Variants in FRMD4A observed in about 807,000 individuals in gnomAD.
FRMD4A encodes FERM domain-containing protein 4A.
Under a neutral mutation model 129.1 loss-of-function variants are expected in FRMD4A, and 29 were observed. The ratio of observed to expected loss-of-function variants is 0.22; its 90% CI spans 0.17 to 0.31. The LOEUF (loss-of-function observed/expected upper bound fraction) is 0.31. Among genes scored for constraint, FRMD4A ranks in the 10% least tolerant of loss-of-function variants. The pLI is 1.00. For synonymous variants in FRMD4A, 634 were observed against 571.6 expected, an observed-to-expected ratio of 1.11 and a Z score of -1.56; for missense variants, 1,272 against 1,375.8, an observed-to-expected ratio of 0.92 and a Z score of 1.19.
At chr10:14,289,797 A>G (rs1437365510) in intron 2 of FRMD4A, among the ~76,000 whole-genome samples, 1 of 152,084 alleles carries the variant, frequency 6.6e-6, no homozygotes, top group African/African-American at 2.4e-5. Context: ...TGTCCACATC[A>G]GAGAGGAAGT....
In FRMD4A at chr10:13,666,216, T is replaced by C; in HGVS notation, c.1484A>G (p.Gln495Arg). Residue 495 changes from glutamine (Q) to arginine (R), a missense_variant, in exon 18 of 25, where the codon CAA becomes CGA. By Grantham distance (43) the Gln-to-Arg change is conservative. Around this residue, in one of 2 missense-constraint regions of FRMD4A, gnomAD observed 972 missense variants for 892.3 expected, o/e 1.09. Transcript: ENST00000357447. Reference sequence around the variant, plus strand: ...TGCATTCAGATACGAGGTTTTCCTTTGTTTCTTCAGTTTTTTGCTGACGTT... The same window carrying C: ...TGCATTCAGATACGAGGTTTTCCTTCGTTTCTTCAGTTTTTTGCTGACGTT... ...DPNVSKKLKK[Q>R]RKTSYLNALK... 1 of 1,613,940 alleles carries C rather than the reference T, an allele frequency of 6.2e-7. No homozygotes were observed. Among genetic ancestry groups the C allele is most frequent in the Non-Finnish European group, 8.5e-7 (1 of 1,179,786 alleles).
chr10:13,728,872 G>T (rs529276535), intron 12 of FRMD4A, among the ~76,000 whole-genome samples: 9 of 152,006 alleles, frequency 5.9e-5, no homozygotes, highest in Non-Finnish European at 1.2e-4. Flanking sequence ...GTGCCCAGCC[G>T]ATGACCACTC....
chr10:14,083,788 C>A (rs192432766), intron 2 of FRMD4A: 3 of 152,146 alleles, frequency 2.0e-5, no homozygotes, highest in Non-Finnish European at 4.4e-5. Flanking sequence ...AGAAATAAAA[C>A]AGAAAATCTT....
chr10:14,190,578 G>A (rs1405234919), intron 2 of FRMD4A, among the ~76,000 whole-genome samples: 3 of 152,198 alleles, frequency 2.0e-5, no homozygotes, highest in Non-Finnish European at 2.9e-5. Flanking sequence ...TAGAGCTGGA[G>A]TTTTCTTGTG....
chr10:13,771,181 C>A (rs755132499), intron 6 of FRMD4A, among the ~76,000 whole-genome samples: 1 of 152,134 alleles, frequency 6.6e-6, no homozygotes, highest in Non-Finnish European at 1.5e-5. Context: ...CTCAAGTGAT[C>A]CTCCCATCTC....
At chr10:14,202,807 C>G (rs1842678456) in intron 2 of FRMD4A, among the ~76,000 whole-genome samples, 1 of 152,166 alleles carries the variant, frequency 6.6e-6, no homozygotes, top group Non-Finnish European at 1.5e-5. Flanking sequence ...AGATCTCTCT[C>G]TGTCACCCAG....
chr10:14,291,996 A>G (rs1845863379), intron 2 of FRMD4A, among the ~76,000 whole-genome samples: 1 of 152,166 alleles, frequency 6.6e-6, no homozygotes, highest in African/African-American at 2.4e-5. Context: ...AATAAATCTA[A>G]GTACATATAG....
chr10:13,684,449 G>A, intron 15 of FRMD4A: 2 of 985,316 alleles, frequency 2.0e-6, no homozygotes, highest in Non-Finnish European at 1.2e-6. Context: ...TTCCAGCCGG[G>A]GAACTCCAGA....
At chr10:13,649,575 T>G (rs536634919) in intron 24 of FRMD4A, 4 of 139,318 alleles carry the variant, frequency 2.9e-5, no homozygotes, top group Non-Finnish European at 4.4e-5. Context: ...TAAAGATGTA[T>G]TTTTTCCAAA....
At chr10:13,815,377 G>A (rs1006047404) in intron 3 of FRMD4A, among the ~76,000 whole-genome samples, 10 of 152,186 alleles carry the variant, frequency 6.6e-5, no homozygotes, top group Non-Finnish European at 1.2e-4. Context: ...CAACAGAATA[G>A]AGGTTGTCAC....
chr10:13,954,466 G>A (rs944616140), intron 2 of FRMD4A, among the ~76,000 whole-genome samples: 15 of 152,054 alleles, frequency 9.9e-5, no homozygotes, highest in African/African-American at 1.4e-4. Flanking sequence ...GGAAAGATCC[G>A]CCCCCATGAT....
chr10:13,881,792 C>T (rs112627058), intron 2 of FRMD4A, among the ~76,000 whole-genome samples: 2,197 of 151,542 alleles, frequency 0.014, 34 homozygotes, highest in East Asian at 0.067. Flanking sequence ...CCTTCCAGCA[C>T]GCATGCTTCT....
intron 2 of FRMD4A, among the ~76,000 whole-genome samples, chr10:13,872,415 G>T (rs772808157): frequency 2.0e-5 from 3 of 152,188 alleles, no homozygotes; most frequent in African/African-American, 4.8e-5. Flanking sequence ...TGGTTCCCAG[G>T]GCCATCCTGT....
intron 2 of FRMD4A, among the ~76,000 whole-genome samples, chr10:14,256,296 A>G (rs1346694312): frequency 6.6e-6 from 1 of 152,186 alleles, no homozygotes; most frequent in Non-Finnish European, 1.5e-5. Flanking sequence ...GACTTACAAA[A>G]AAGAAGTTCT....
chr10:14,296,311 A>G (rs1436553881), intron 2 of FRMD4A, among the ~76,000 whole-genome samples: 3 of 152,170 alleles, frequency 2.0e-5, no homozygotes, highest in African/African-American at 7.2e-5. Flanking sequence ...CTAATATTTG[A>G]TCTCCTGCTC....
chr10:13,802,688 G>C (rs546547831), intron 4 of FRMD4A, among the ~76,000 whole-genome samples: 1 of 152,050 alleles, frequency 6.6e-6, no homozygotes, highest in African/African-American at 2.4e-5. Context: ...TGTCCGGGCT[G>C]GTCTCAAACT....
intron 2 of FRMD4A, among the ~76,000 whole-genome samples, chr10:13,897,411 A>T (rs957597856): frequency 2.0e-5 from 3 of 152,150 alleles, no homozygotes; most frequent in African/African-American, 4.8e-5. Flanking sequence ...CTGAACTCTT[A>T]AAGAGAGGAG....
chr10:14,250,417 C>T (rs1051584122), intron 2 of FRMD4A, among the ~76,000 whole-genome samples: 5 of 152,168 alleles, frequency 3.3e-5, no homozygotes, highest in Admixed American at 1.3e-4. Flanking sequence ...GCTGTTGCCT[C>T]CTCTACTTTT....
chr10:14,273,600 T>G (rs566143437), intron 2 of FRMD4A, among the ~76,000 whole-genome samples: 25 of 152,226 alleles, frequency 1.6e-4, no homozygotes, highest in African/African-American at 5.8e-4. Flanking sequence ...AGAAATGAAT[T>G]CTAACCTCTT....
Sources: gnomAD v4.1 joint callset for allele counts (sites outside exome capture counted in the v4.1 genomes callset) on GRCh38, gnomAD v4.1.1 for gene constraint, gnomAD v4.1.1 regional missense constraint, MANE v1.5 for transcripts, NCBI Gene and HGNC (gene_info 2026-07-23, HGNC 2026-07-21) for gene names.